Variants in IFT81 observed in about 807,000 individuals in gnomAD.
The protein encoded by IFT81 is intraflagellar transport 81, also known as intraflagellar transport protein 81 homolog.
IFT81 carries 72 observed loss-of-function variants against 102.6 expected under a neutral mutation model. The ratio of observed to expected loss-of-function variants is 0.70; its 90% CI spans 0.58 to 0.85. The LOEUF (loss-of-function observed/expected upper bound fraction) is 0.85, where lower values mean the gene tolerates loss of function less well. Ranked by LOEUF, IFT81 falls within the 40% of genes least tolerant of loss-of-function variation. The pLI is 0.00. For missense variants in IFT81, 723 were observed against 787.3 expected (o/e 0.92, Z 0.98); for synonymous variants, 237 against 242.7 (o/e 0.98, Z 0.22).
intron 10 of IFT81, among the ~76,000 whole-genome samples, chr12:110,152,990 A>G (rs1030623735): frequency 3.9e-5 from 6 of 152,298 alleles, no homozygotes; most frequent in African/African-American, 1.4e-4. Flanking sequence ...CTTTTGATGC[A>G]CAAAAGTTTT....
At chr12:110,153,752 A>G (rs1895676463) in intron 10 of IFT81, among the ~76,000 whole-genome samples, 1 of 150,470 alleles carries the variant, frequency 6.6e-6, no homozygotes, top group Non-Finnish European at 1.5e-5. Flanking sequence ...CTGGGATTAC[A>G]GGCATGCACC....
chr12:110,172,905 C>T (rs1276669165), intron 11 of IFT81, among the ~76,000 whole-genome samples: 1 of 152,154 alleles, frequency 6.6e-6, no homozygotes, highest in African/African-American at 2.4e-5. Flanking sequence ...AAGTGAGGAG[C>T]GTCTCCGCCC....
At position 110,210,946 on chromosome 12, in the gene IFT81, C is replaced by G. The variant is rs150214917; in HGVS notation, c.1848+1730C>G. Among the ~76,000 whole-genome samples, 217 of 150,644 alleles carry G rather than the reference C, an allele frequency of 1.4e-3. 1 individual carries two copies. Among genetic ancestry groups the G allele is most frequent in the Middle Eastern group, 0.01 (3 of 286 alleles). On this transcript the variant is annotated intron_variant, in intron 18 of 18. Coordinates refer to ENST00000242591, the MANE Select transcript of IFT81 (RefSeq NM_014055.4). ...CTCGGCTCACTGCAGCCTTGGCCTCCCCACGCTCAAGCGATCCTCCCACCT... is the reference window on the plus strand; with the variant it reads ...CTCGGCTCACTGCAGCCTTGGCCTCGCCACGCTCAAGCGATCCTCCCACCT...
At chr12:110,148,164 A>G (rs1895328346) in intron 10 of IFT81, among the ~76,000 whole-genome samples, 1 of 152,144 alleles carries the variant, frequency 6.6e-6, no homozygotes, top group Admixed American at 6.6e-5. Flanking sequence ...TGTGTTGACA[A>G]AACTGGTTCA....
chr12:110,158,512 A>G (rs1260409910), intron 10 of IFT81, among the ~76,000 whole-genome samples: 1 of 152,088 alleles, frequency 6.6e-6, no homozygotes, highest in Non-Finnish European at 1.5e-5. Flanking sequence ...TTGGGATTAT[A>G]GGTGTGAGCC....
At chr12:110,157,530 T>C (rs1895909239) in intron 10 of IFT81, among the ~76,000 whole-genome samples, 1 of 152,134 alleles carries the variant, frequency 6.6e-6, no homozygotes, top group Non-Finnish European at 1.5e-5. Context: ...TTCTTGGAGT[T>C]TCTTCTTCTT....
At chr12:110,190,807 TA>T in intron 12 of IFT81, 112 bp from the exon 13 acceptor site, 1 of 952,164 alleles carries the variant, frequency 1.1e-6, no homozygotes, top group Non-Finnish European at 1.4e-6. Context: ...TTTAGGATTC[TA>T]AACTAATTAA....
chr12:110,171,065 T>C (rs748449354), intron 11 of IFT81, among the ~76,000 whole-genome samples: 6 of 152,194 alleles, frequency 3.9e-5, no homozygotes, highest in Non-Finnish European at 7.3e-5. Flanking sequence ...AAACCTGTGA[T>C]ATTTTTAGAA....
intron 18 of IFT81, among the ~76,000 whole-genome samples, chr12:110,209,939 C>T (rs1305241884): frequency 6.6e-6 from 1 of 152,104 alleles, no homozygotes; most frequent in Non-Finnish European, 1.5e-5. Flanking sequence ...AGATGCTCAG[C>T]TCCCTCCTGC....
In IFT81 at chr12:110,205,592, T is replaced by C; in HGVS notation, c.1717-3T>C. 1 of 1,598,476 alleles carries C rather than the reference T, an allele frequency of 6.3e-7. No individual in the cohort carries two copies. The highest frequency in any genetic ancestry group is 1.2e-5 in the South Asian group (1 of 86,594). On this transcript the variant is annotated splice_polypyrimidine_tract_variant and splice_region_variant and intron_variant, in intron 16 of 18. Coordinates refer to ENST00000242591, the MANE Select transcript of IFT81 (RefSeq NM_014055.4). ...TCCCTAAAACTGAAGTCTTTCTATT[T>C]AGAACCTAGAAGTTCAACTTCGTCG...
intron 10 of IFT81, among the ~76,000 whole-genome samples, chr12:110,148,390 C>T (rs1895340942): frequency 6.6e-6 from 1 of 151,692 alleles, no homozygotes; most frequent in African/African-American, 2.4e-5. Context: ...CAGCCACTTA[C>T]TATTATTGCT....
chr12:110,215,405 T>C (rs1343430708), intron 18 of IFT81, among the ~76,000 whole-genome samples: 1 of 151,472 alleles, frequency 6.6e-6, no homozygotes, highest in Non-Finnish European at 1.5e-5. Flanking sequence ...CACATGGGAT[T>C]ATGAATGAAT....
intron 14 of IFT81, among the ~76,000 whole-genome samples, chr12:110,201,551 C>T (rs1898274684): frequency 6.6e-6 from 1 of 152,080 alleles, no homozygotes; most frequent in Non-Finnish European, 1.5e-5. Flanking sequence ...TCACTTCAGC[C>T]TAAGGAGTAG....
intron 10 of IFT81, among the ~76,000 whole-genome samples, chr12:110,160,932 C>T (rs1324264602): frequency 6.6e-6 from 1 of 151,996 alleles, no homozygotes; most frequent in Non-Finnish European, 1.5e-5. Context: ...ACTTTCAATA[C>T]AGTAATTAAA....
chr12:110,160,829 C>G (rs1356750580), intron 10 of IFT81, among the ~76,000 whole-genome samples: 1 of 152,090 alleles, frequency 6.6e-6, no homozygotes, highest in Non-Finnish European at 1.5e-5. Flanking sequence ...TTCTTTTGAT[C>G]TTTTGGAAAC....
At chr12:110,145,303 A>C (rs1895155040) in intron 9 of IFT81, among the ~76,000 whole-genome samples, 1 of 152,058 alleles carries the variant, frequency 6.6e-6, no homozygotes, top group African/African-American at 2.4e-5. Flanking sequence ...TCAGTCTCCC[A>C]AAGTGCAGGG....
intron 10 of IFT81, among the ~76,000 whole-genome samples, chr12:110,156,009 A>G (rs1895817397): frequency 6.6e-6 from 1 of 152,184 alleles, no homozygotes; most frequent in African/African-American, 2.4e-5. Flanking sequence ...ATCTTTACAC[A>G]TTGTGTGCCC....
chr12:110,134,851 G>A, intron 5 of IFT81, 97 bp from the exon 6 acceptor site: 2 of 835,194 alleles, frequency 2.4e-6, no homozygotes, highest in Non-Finnish European at 3.8e-6. Context: ...GGTTATAAAT[G>A]ATGAAAATGT....
At chr12:110,186,495 TTC>T (rs1491031073) in intron 12 of IFT81, among the ~76,000 whole-genome samples, 1 of 151,118 alleles carries the variant, frequency 6.6e-6, no homozygotes, top group Non-Finnish European at 1.5e-5. Context: ...CTTTCTTTCT[TTC>T]TTTTTTTATT....
Sources: allele counts gnomAD v4.1 joint callset (sites outside exome capture counted in the v4.1 genomes callset), GRCh38; gene constraint gnomAD v4.1.1; transcripts MANE v1.5; gene names NCBI Gene and HGNC (gene_info 2026-07-23, HGNC 2026-07-21).